Variants in PDE10A observed in about 807,000 individuals in gnomAD.
The protein encoded by PDE10A is phosphodiesterase 10A.
PDE10A carries 39 observed loss-of-function variants against 97.7 expected under a neutral mutation model. The ratio of observed to expected loss-of-function variants is 0.40; its 90% CI spans 0.31 to 0.52. The LOEUF is 0.52. PDE10A is among the 20% of genes least tolerant of loss of function. PDE10A has a pLI of 0.56. For missense variants in PDE10A, 731 were observed against 1,047.8 expected (o/e 0.70, Z 4.17); for synonymous variants, 371 against 376.8 (o/e 0.98, Z 0.18).
chr6:165,470,643 T>C (rs961576268), intron 3 of PDE10A, among the ~76,000 whole-genome samples: 3 of 152,228 alleles, frequency 2.0e-5, no homozygotes, highest in African/African-American at 7.2e-5. Flanking sequence ...CGCTTGTTTT[T>C]CTGGTAATCA....
chr6:165,542,351 A>C (rs1219583122), intron 2 of PDE10A, among the ~76,000 whole-genome samples: 3 of 152,140 alleles, frequency 2.0e-5, no homozygotes, highest in Non-Finnish European at 4.4e-5. Flanking sequence ...TGAGGAAAAA[A>C]TTATTTTGCT....
intron 2 of PDE10A, among the ~76,000 whole-genome samples, chr6:165,525,259 G>A (rs1782368527): frequency 6.6e-6 from 1 of 152,104 alleles, no homozygotes. Context: ...TAAGGGTATG[G>A]GATAATGGTG....
chr6:165,770,866 G>T (rs1314423057), intron 1 of PDE10A, among the ~76,000 whole-genome samples: 1 of 152,150 alleles, frequency 6.6e-6, no homozygotes, highest in Non-Finnish European at 1.5e-5. Context: ...AGGTGCTCCC[G>T]GGGCCACCTT....
intron 1 of PDE10A, among the ~76,000 whole-genome samples, chr6:165,643,208 T>C (rs535388663): frequency 6.6e-6 from 1 of 151,514 alleles, no homozygotes; most frequent in South Asian, 2.1e-4. Context: ...GGTAGGTGGG[T>C]GGATGGATAG....
chr6:165,613,500 G>A (rs1446307894), intron 1 of PDE10A, among the ~76,000 whole-genome samples: 3 of 152,024 alleles, frequency 2.0e-5, no homozygotes, highest in Admixed American at 6.6e-5. Context: ...TTAGCCAGGC[G>A]TGGTGGTACG....
At chr6:165,987,685 G>T in exon 1 of PDE10A, 4 of 456,784 alleles carry the variant, frequency 8.8e-6, no homozygotes, top group South Asian at 4.6e-5. Context: ...AAAGCAAGTT[G>T]CCAAGAAAGC....
intron 1 of PDE10A, among the ~76,000 whole-genome samples, chr6:165,974,803 T>C (rs1328973868): frequency 6.6e-6 from 1 of 152,140 alleles, no homozygotes; most frequent in Non-Finnish European, 1.5e-5. Flanking sequence ...AGGACAGCAA[T>C]GGTGCCACCT....
chr6:165,537,326 C>A (rs1783149823), intron 2 of PDE10A, among the ~76,000 whole-genome samples: 1 of 151,474 alleles, frequency 6.6e-6, no homozygotes, highest in African/African-American at 2.4e-5. Context: ...TTAACAGGTA[C>A]AAAATTACAG....
intron 9 of PDE10A, 118 bp downstream of exon 9, chr6:165,430,169 G>C: frequency 1.5e-6 from 1 of 681,602 alleles, no homozygotes; most frequent in South Asian, 1.9e-5. Flanking sequence ...CAGACTACTT[G>C]TAAAGACGGA....
intron 1 of PDE10A, among the ~76,000 whole-genome samples, chr6:165,646,797 T>C (rs1403790377): frequency 6.6e-6 from 1 of 151,954 alleles, no homozygotes; most frequent in Non-Finnish European, 1.5e-5. Context: ...TGAATGTTTA[T>C]GAAATATGAC....
At chr6:165,716,417 C>T (rs1043972267) in intron 1 of PDE10A, among the ~76,000 whole-genome samples, 7 of 152,236 alleles carry the variant, frequency 4.6e-5, no homozygotes, top group Non-Finnish European at 7.3e-5. Flanking sequence ...AAACTGACTG[C>T]ACACCTTATC....
At chr6:165,445,269 G>A (rs1048581925) in intron 5 of PDE10A, among the ~76,000 whole-genome samples, 1 of 152,148 alleles carries the variant, frequency 6.6e-6, no homozygotes. Flanking sequence ...TTTAAAGGCT[G>A]CATAAAATAT....
At chr6:165,665,865 C>A (rs1790486133), upstream of PDE10A, among the ~76,000 whole-genome samples, 1 of 152,114 alleles carries the variant, frequency 6.6e-6, no homozygotes, top group African/African-American at 2.4e-5. Flanking sequence ...CCTATACAAC[C>A]ATAAGTATAT....
chr6:165,878,967 G>A (rs1248214236), intron 1 of PDE10A, among the ~76,000 whole-genome samples: 1 of 152,298 alleles, frequency 6.6e-6, no homozygotes, highest in East Asian at 1.9e-4. Flanking sequence ...ACCCATTTCA[G>A]ATTTCTGACC....
chr6:165,619,259 G>A (rs796075652), intron 1 of PDE10A, among the ~76,000 whole-genome samples: 8 of 149,984 alleles, frequency 5.3e-5, no homozygotes, highest in Non-Finnish European at 8.9e-5. Context: ...GTAGTCTAGT[G>A]TAGTGTAGTC....
intron 1 of PDE10A, among the ~76,000 whole-genome samples, chr6:165,633,790 G>A (rs1788744721): frequency 1.6e-5 from 1 of 63,816 alleles, no homozygotes; most frequent in African/African-American, 5.3e-5. Context: ...ACCACGCCGG[G>A]CTAATTTTTT....
At chr6:165,853,092 C>G (rs1217984787) in intron 1 of PDE10A, among the ~76,000 whole-genome samples, 1 of 152,254 alleles carries the variant, frequency 6.6e-6, no homozygotes, top group East Asian at 1.9e-4. Flanking sequence ...CTTCTCTGAA[C>G]ACGGTATCTG....
chr6:165,773,328 T>C (rs1238221592), intron 1 of PDE10A: 1 of 152,224 alleles, frequency 6.6e-6, no homozygotes, highest in Non-Finnish European at 1.5e-5. Context: ...ACTATTTTAC[T>C]TCCAGAAAGG....
At chr6:165,556,172 T>C (rs1784243114) in intron 1 of PDE10A, among the ~76,000 whole-genome samples, 1 of 152,214 alleles carries the variant, frequency 6.6e-6, no homozygotes, top group African/African-American at 2.4e-5. Flanking sequence ...AAAAGTTATA[T>C]GCAGGACTGG....
Sources: gnomAD v4.1 joint callset for allele counts (sites outside exome capture counted in the v4.1 genomes callset) on GRCh38, gnomAD v4.1.1 for gene constraint, MANE v1.5 for transcripts, NCBI Gene and HGNC (gene_info 2026-07-23, HGNC 2026-07-21) for gene names.